The following MAML3 variants were observed in gnomAD, a reference collection of about 807,000 sequenced individuals.
MAML3 encodes the protein mastermind-like protein 3.
MAML3 carries 27 observed loss-of-function variants against 101.9 expected under a neutral mutation model. That is an observed-to-expected ratio of 0.27 (90% CI 0.20 to 0.37). The LOEUF is 0.37. Among genes scored for constraint, MAML3 ranks in the 10% least tolerant of loss-of-function variants. The pLI, the probability that MAML3 is intolerant of heterozygous loss-of-function variation, is 1.00. For synonymous variants in MAML3, 501 were observed against 555.9 expected (o/e 0.90, Z 1.39); for missense variants, 1,316 against 1,444.9 (o/e 0.91, Z 1.45).
Position 139,720,296 on chromosome 4 carries a change from CTTACGGCTGCTATAT to C in MAML3, c.2429_2443del (p.Asp810_Arg815delinsGly), listed in dbSNP as rs1728183670. 4 of 1,553,544 alleles carry C rather than the reference CTTACGGCTGCTATAT, an allele frequency of 2.6e-6. No homozygotes were observed. The Admixed American group carries it at 7.4e-5, about 29-fold the overall frequency. Reference sequence around the variant, plus strand: ...CATGCTCTGGAGGGCTGCTTGGCTTCTTACGGCTGCTATATCCTGGGGAGAACCTGCAGTGAAAAA... The same window carrying C: ...CATGCTCTGGAGGGCTGCTTGGCTTCCCTGGGGAGAACCTGCAGTGAAAAA... On this transcript the variant is annotated inframe_deletion, in exon 5 of 5. Coordinates refer to ENST00000509479, the MANE Select transcript of MAML3 (RefSeq NM_018717.5).
intron 4 of MAML3, among the ~76,000 whole-genome samples, chr4:139,723,227 C>T (rs577971935): frequency 6.6e-6 from 1 of 152,312 alleles, no homozygotes; most frequent in Non-Finnish European, 1.5e-5. Flanking sequence ...TTGTGGGTGT[C>T]TATTTATATA....
At chr4:139,989,407 C>T (rs566875344) in intron 1 of MAML3, among the ~76,000 whole-genome samples, 105 of 152,292 alleles carry the variant, frequency 6.9e-4, no homozygotes, top group African/African-American at 2.3e-3. Flanking sequence ...GGATGAAACA[C>T]GCCCGACGGC....
intron 3 of MAML3, among the ~76,000 whole-genome samples, chr4:139,727,710 A>G (rs1728532601): frequency 6.6e-6 from 1 of 152,212 alleles, no homozygotes; most frequent in South Asian, 2.1e-4. Flanking sequence ...ATTCATGCCT[A>G]CTTTCAACCT....
intron 1 of MAML3, among the ~76,000 whole-genome samples, chr4:140,060,081 C>G (rs1291782197): frequency 6.6e-6 from 1 of 152,008 alleles, no homozygotes. Flanking sequence ...AGCTACAAGC[C>G]TAGGCTGGGC....
intron 2 of MAML3, among the ~76,000 whole-genome samples, chr4:139,854,944 C>CA (rs1361226133): frequency 6.6e-6 from 1 of 152,206 alleles, no homozygotes; most frequent in Non-Finnish European, 1.5e-5. Flanking sequence ...AACTCCCCGC[C>CA]ACAGCCTCCT....
intron 2 of MAML3, among the ~76,000 whole-genome samples, chr4:139,747,307 TCCC>T (rs1338889494): frequency 2.0e-5 from 3 of 152,122 alleles, no homozygotes; most frequent in Admixed American, 2.0e-4. Flanking sequence ...CGGGCAACTT[TCCC>T]CCACCTTTTA....
intron 1 of MAML3, among the ~76,000 whole-genome samples, chr4:140,032,418 C>T (rs1290485969): frequency 2.0e-5 from 3 of 152,150 alleles, no homozygotes; most frequent in African/African-American, 7.2e-5. Flanking sequence ...AAACTTCAGA[C>T]TTGAAATTAT....
intron 1 of MAML3, among the ~76,000 whole-genome samples, chr4:140,099,793 A>G (rs915278424): frequency 1.1e-4 from 17 of 152,140 alleles, no homozygotes; most frequent in African/African-American, 4.1e-4. Flanking sequence ...TTTCCATTCT[A>G]TCACTCAGTT....
At chr4:140,086,422 C>T (rs1727953397) in intron 1 of MAML3, among the ~76,000 whole-genome samples, 1 of 152,140 alleles carries the variant, frequency 6.6e-6, no homozygotes, top group Admixed American at 6.5e-5. Context: ...TCTCGTCGTC[C>T]AAATGCTTCA....
At chr4:140,145,094 C>T (rs111763175) in intron 1 of MAML3, among the ~76,000 whole-genome samples, 21 of 152,316 alleles carry the variant, frequency 1.4e-4, no homozygotes, top group South Asian at 6.2e-4. Context: ...TAGAGCACTT[C>T]GGCCTTTTCC....
At chr4:140,083,574 C>G (rs1288841604) in intron 1 of MAML3, among the ~76,000 whole-genome samples, 1 of 152,128 alleles carries the variant, frequency 6.6e-6, no homozygotes, top group African/African-American at 2.4e-5. Context: ...TTTCCTGAAC[C>G]GTGTGCTTTT....
intron 1 of MAML3, among the ~76,000 whole-genome samples, chr4:139,967,588 G>A (rs1325666827): frequency 6.6e-6 from 1 of 152,026 alleles, no homozygotes; most frequent in African/African-American, 2.4e-5. Flanking sequence ...GGCGGTGAGA[G>A]AGAGTGTGCC....
chr4:139,832,094 CTTTTTTTTTTT>C (rs70943444), intron 2 of MAML3, among the ~76,000 whole-genome samples: 7,508 of 65,072 alleles, frequency 0.12, 861 homozygotes, highest in African/African-American at 0.29. Flanking sequence ...TGCCCAGCCC[CTTTTTTTTTTT>C]TTTTTTTTTT....
chr4:140,086,341 C>CAAACAGG (rs920324103), intron 1 of MAML3, among the ~76,000 whole-genome samples: 54 of 152,322 alleles, frequency 3.5e-4, no homozygotes, highest in African/African-American at 1.2e-3. Flanking sequence ...TGCTTGGACT[C>CAAACAGG]AAACAGGTCA....
rs761712506 is a variant in MAML3, at chr4:140,153,372, C to A, written c.-45G>T. The A allele has an allele frequency of 5.3e-4, 798 of 1,514,300 alleles. 4 individuals carry two copies. Among genetic ancestry groups the A allele is most frequent in the Non-Finnish European group, 2.1e-4 (236 of 1,132,156 alleles). 93.8% of individuals were successfully genotyped at this position (1,514,300 alleles called of 1,614,324 possible). On this transcript the variant is annotated 5_prime_UTR_variant, in exon 1 of 5. Coordinates refer to ENST00000509479, the MANE Select transcript of MAML3 (RefSeq NM_018717.5). The stretch of plus-strand genomic sequence containing the variant: ...ATTTTGGAAGAACTTTTTTTATCCA[C>A]CCCCCTATCAGCCTCCTCCTTGGGT...
At chr4:140,137,207 C>T (rs1728905214) in intron 1 of MAML3, among the ~76,000 whole-genome samples, 1 of 152,150 alleles carries the variant, frequency 6.6e-6, no homozygotes, top group Non-Finnish European at 1.5e-5. Context: ...CCAAGATGGT[C>T]TCGATCTCCT....
intron 2 of MAML3, among the ~76,000 whole-genome samples, chr4:139,846,577 G>T (rs1731452711): frequency 1.3e-5 from 2 of 152,180 alleles, no homozygotes; most frequent in South Asian, 4.2e-4. Context: ...CGAACTCCTG[G>T]GCTCAAGCAA....
intron 1 of MAML3, among the ~76,000 whole-genome samples, chr4:140,022,003 A>G (rs71606869): frequency 0.056 from 8,536 of 152,304 alleles, 338 homozygotes; most frequent in Non-Finnish European, 0.08. Flanking sequence ...AGGACACAGA[A>G]GTAGCAGAGA....
rs748891289 is a variant in MAML3 at position 140,152,946 on chromosome 4, C to G, written c.382G>C (p.Gly128Arg). ...LEQRAKKSGA[G>R]TGKQQHPSKP... Reference sequence around the variant, plus strand: ...CTCGGGTGCTGCTGTTTGCCGGTGCCGGCGCCCGATTTCTTGGCCCTCTGC... The same window carrying G: ...CTCGGGTGCTGCTGTTTGCCGGTGCGGGCGCCCGATTTCTTGGCCCTCTGC... Residue 128 changes from glycine (G) to arginine (R), a missense_variant, in exon 1 of 5, where the codon GGC (glycine) becomes CGC (arginine). Coordinates refer to ENST00000509479, the MANE Select transcript of MAML3 (RefSeq NM_018717.5). 17 of 1,612,462 alleles carry G rather than the reference C, an allele frequency of 1.1e-5. No individual in the cohort carries two copies. The highest frequency in any genetic ancestry group is 1.8e-4 in the Middle Eastern group (1 of 5,688).
Sources: allele counts gnomAD v4.1 joint callset (sites outside exome capture counted in the v4.1 genomes callset), GRCh38; gene constraint gnomAD v4.1.1; transcripts MANE v1.5; gene names NCBI Gene and HGNC (gene_info 2026-07-23, HGNC 2026-07-21).